The following MSANTD7 variants were observed in gnomAD, a reference collection of about 807,000 sequenced individuals.
MSANTD7 encodes Myb/SANT DNA binding domain containing 7.
chr10:14,845,325 C>T, the MSANTD7 span: 1 of 985,256 alleles, frequency 1.0e-6, no homozygotes, highest in Non-Finnish European at 1.2e-6. Context: ...AAAGAGTGGG[C>T]ATGTTGGGGG....
At chr10:14,838,580 C>CCG in the MSANTD7 span, 1 of 968,638 alleles carries the variant, frequency 1.0e-6, no homozygotes, top group African/African-American at 1.7e-5. Context: ...AGTGGCGTTG[C>CCG]CGCGAGGACA....
chr10:14,839,393 G>T, the MSANTD7 span, among the ~76,000 whole-genome samples: 1 of 152,060 alleles, frequency 6.6e-6, no homozygotes, highest in Non-Finnish European at 1.5e-5. Flanking sequence ...GGCTAACATG[G>T]TGAAACCCCG....
At chr10:14,844,194 C>T in the MSANTD7 span, 4 of 1,186,258 alleles carry the variant, frequency 3.4e-6, no homozygotes, top group East Asian at 2.1e-4. Context: ...GTGGTTTCCT[C>T]ATCCGTAAAA....
At chr10:14,840,351 C>A in the MSANTD7 span, among the ~76,000 whole-genome samples, 30 of 152,242 alleles carry the variant, frequency 2.0e-4, no homozygotes, top group African/African-American at 7.0e-4. Flanking sequence ...ATATGGGATT[C>A]ACTCAGATGT....
chr10:14,844,906 C>T, the MSANTD7 span: 5 of 985,396 alleles, frequency 5.1e-6, no homozygotes, highest in Non-Finnish European at 6.0e-6. Context: ...TTATACAGGG[C>T]AAGCCCTAGA....
At chr10:14,843,407 A>C in the MSANTD7 span, 1 of 1,550,896 alleles carries the variant, frequency 6.4e-7, no homozygotes, top group Middle Eastern at 1.7e-4. Context: ...AGCAGCTCCC[A>C]CAGCCTTTTC....
the MSANTD7 span, chr10:14,846,829 G>A: frequency 4.1e-6 from 4 of 985,440 alleles, no homozygotes; most frequent in South Asian, 1.9e-4. Flanking sequence ...CAAGTAGGAG[G>A]AGGAAGAGAA....
chr10:14,841,987 C>G, the MSANTD7 span: 1 of 514,712 alleles, frequency 1.9e-6, no homozygotes, highest in Non-Finnish European at 3.6e-6. Context: ...GGTGCCGTGT[C>G]TACCCTGGGT....
chr10:14,844,540 G>A, the MSANTD7 span: 1 of 986,802 alleles, frequency 1.0e-6, no homozygotes, highest in African/African-American at 1.7e-5. Flanking sequence ...TTCCACTGCT[G>A]TGTATCTGAC....
chr10:14,845,852 G>A, the MSANTD7 span: 24 of 273,102 alleles, frequency 8.8e-5, no homozygotes, highest in South Asian at 1.4e-3. Flanking sequence ...GTGAGCCACC[G>A]TGCCCAGCCA....
At chr10:14,839,915 C>G in the MSANTD7 span, 1 of 1,612,586 alleles carries the variant, frequency 6.2e-7, no homozygotes, top group African/African-American at 1.3e-5. Context: ...GATGGCCGGG[C>G]TGGTGTGGTT....
the MSANTD7 span, chr10:14,844,118 G>A: frequency 7.3e-7 from 1 of 1,363,930 alleles, no homozygotes; most frequent in African/African-American, 1.5e-5. Flanking sequence ...AAACGATGGA[G>A]CCACGTTCTA....
chr10:14,844,636 T>C, the MSANTD7 span: 1 of 984,862 alleles, frequency 1.0e-6, no homozygotes. Context: ...TATAAGGAAA[T>C]AAGAAGTGCC....
At chr10:14,840,225 G>C in the MSANTD7 span, 1 of 794,448 alleles carries the variant, frequency 1.3e-6, no homozygotes, top group Non-Finnish European at 1.8e-6. Flanking sequence ...AGCATAATGT[G>C]AAAAGAAATT....
the MSANTD7 span, among the ~76,000 whole-genome samples, chr10:14,841,449 A>G: frequency 6.6e-6 from 1 of 152,194 alleles, no homozygotes; most frequent in Non-Finnish European, 1.5e-5. Flanking sequence ...AAGAAATAAT[A>G]CAGAGACATC....
chr10:14,844,523 C>G, the MSANTD7 span: 4 of 987,066 alleles, frequency 4.1e-6, no homozygotes, highest in African/African-American at 7.0e-5. Flanking sequence ...ACCTTAATCT[C>G]TTACATTTCC....
the MSANTD7 span, chr10:14,838,398 G>T: frequency 6.2e-7 from 1 of 1,603,208 alleles, no homozygotes. Context: ...CGTCCCTGCT[G>T]CCTCATGGCG....
the MSANTD7 span, chr10:14,838,625 C>T: frequency 1.7e-4 from 108 of 631,960 alleles, 1 homozygote; most frequent in Non-Finnish European, 1.6e-4. Context: ...CCCGGCCTCG[C>T]GCCTGGCGAT....
At chr10:14,846,696 G>A in the MSANTD7 span, 1 of 968,876 alleles carries the variant, frequency 1.0e-6, no homozygotes, top group Non-Finnish European at 1.2e-6. Flanking sequence ...CAAAGGAACA[G>A]ATGAATGTAT....
Sources: gnomAD v4.1 joint callset for allele counts (sites outside exome capture counted in the v4.1 genomes callset) on GRCh38, gnomAD v4.1.1 for gene constraint, MANE v1.5 for transcripts, NCBI Gene and HGNC (gene_info 2026-07-23, HGNC 2026-07-21) for gene names.